GNB3: variants seen among roughly 807,000 people sequenced by gnomAD.
The protein encoded by GNB3 is G protein subunit beta 3.
Under a neutral mutation model 41.2 loss-of-function variants are expected in GNB3, and 33 were observed. That is an observed-to-expected ratio of 0.80 (90% CI 0.61 to 1.07). GNB3 has a LOEUF of 1.07. GNB3 is among the 50% of genes least tolerant of loss of function. GNB3 has a pLI of 0.00. For synonymous variants in GNB3, 172 were observed against 173.4 expected, an observed-to-expected ratio of 0.99 and a Z score of 0.06; for missense variants, 409 against 455.3, an observed-to-expected ratio of 0.90 and a Z score of 0.92.
At chr12:6,846,310 G>T (rs1352995409) in intron 9 of GNB3, 2 of 168,358 alleles carry the variant, frequency 1.2e-5, no homozygotes, top group East Asian at 3.3e-4. Context: ...TAATTCTGTT[G>T]CTCACTTTCT....
chr12:6,845,668 T>G lies in GNB3; in HGVS notation c.782T>G (p.Leu261Arg), dbSNP rs1246191591. ...RLFDLRADQE[L>R]ICFSHESIIC... ...TTTGACCTGCGGGCAGACCAGGAGC[T>G]GATCTGCTTCTCCCACGAGAGCATC... Residue 261 changes from leucine to arginine, a missense_variant, in exon 9 of 10, where the codon CTG becomes CGG. Transcript: ENST00000229264. 6.2e-7 allele frequency: 1 copy of G among 1,614,120 alleles called. No individual in the cohort carries two copies. Among genetic ancestry groups the G allele is most frequent in the Admixed American group, 1.7e-5 (1 of 60,032 alleles).
chr12:6,845,400 T>C, intron 8 of GNB3, 186 bp from the exon 9 acceptor site: 1 of 601,410 alleles, frequency 1.7e-6, no homozygotes, highest in Non-Finnish European at 3.0e-6. Context: ...GCGAGGGGCA[T>C]AGGGAAGTCA....
At chr12:6,841,654 G>T (rs1555123415) in intron 3 of GNB3, 30 bp downstream of exon 3, 1 of 1,583,440 alleles carries the variant, frequency 6.3e-7, no homozygotes, top group Admixed American at 1.7e-5. Flanking sequence ...GGAAGGCAGG[G>T]CATGGGGGGA....
chr12:6,842,158 T>C (rs1555123542), intron 3 of GNB3, among the ~76,000 whole-genome samples: 1 of 152,208 alleles, frequency 6.6e-6, no homozygotes, highest in Non-Finnish European at 1.5e-5. Context: ...CCTGATTTCA[T>C]TGAATTTTCA....
intron 3 of GNB3, 183 bp downstream of exon 3, chr12:6,841,807 G>A: frequency 1.4e-6 from 1 of 704,862 alleles, no homozygotes; most frequent in South Asian, 1.5e-5. Flanking sequence ...CATATTGGAT[G>A]CGAAAGATGC....
Position 6,843,438 on chromosome 12 carries a change from G to A in GNB3, c.343G>A (p.Gly115Arg), listed in dbSNP as rs201963490. 4.0e-5 allele frequency: 64 copies of A among 1,613,838 alleles called. No homozygotes were observed. Among genetic ancestry groups the A allele is most frequent in the African/African-American group, 1.3e-5 (1 of 74,924 alleles). The change falls in exon 6 of 10, where the codon GGG becomes AGG. Residue 115 changes from glycine to arginine, a missense_variant. By Grantham distance (125) the Gly-to-Arg change is moderately radical. Coordinates refer to ENST00000229264, the MANE Select transcript of GNB3 (RefSeq NM_002075.4). The surrounding 1 kb of genome is among the most constrained non-coding windows in gnomAD (Gnocchi z 5.9). ...CCCATCAGGGAACTTTGTGGCATGT[G>A]GGGGGCTGGACAACATGTGTTCCAT... ...YAPSGNFVAC[G>R]GLDNMCSIYN...
In GNB3 at chr12:6,843,132, G is replaced by A. The variant is rs782385347; in HGVS notation, c.204-42G>A. ...GGGTGAGAGCGGGAGTGAGGAAGGC[G>A]GGAAGGGGAGGCTTGCATGATATGG... On this transcript the variant is annotated intron_variant, in intron 4 of 9. Transcript: ENST00000229264. The surrounding 1 kb of genome is among the most constrained non-coding windows in gnomAD (Gnocchi z 5.9). 12 of 1,606,798 alleles carry A rather than the reference G, an allele frequency of 7.5e-6. No homozygotes were observed. In the East Asian group the frequency reaches 8.9e-5, roughly 12 times the overall value.
In GNB3 at chr12:6,845,764, A is replaced by G; in HGVS notation, c.878A>G (p.Asn293Ser). 3 of 1,614,108 alleles carry G rather than the reference A, an allele frequency of 1.9e-6. No individual in the cohort carries two copies. The highest frequency in any genetic ancestry group is 2.5e-6 in the Non-Finnish European group (3 of 1,179,960). Residue 293 changes from asparagine (N) to serine (S), a missense_variant, in exon 9 of 10, where the codon AAC becomes AGC. Physicochemically the swap from Asn to Ser is conservative, Grantham distance 46 (BLOSUM62 1). Coordinates refer to ENST00000229264, the MANE Select transcript of GNB3 (RefSeq NM_002075.4). ...RLLFAGYDDF[N>S]CNVWDSMKSE... The stretch of plus-strand genomic sequence containing the variant: ...CTATTCGCTGGCTACGACGACTTCA[A>G]CTGCAATGTCTGGGACTCCATGAAG...
chr12:6,842,094 T>A (rs973403696), intron 3 of GNB3, among the ~76,000 whole-genome samples: 1 of 152,242 alleles, frequency 6.6e-6, no homozygotes, highest in Admixed American at 6.5e-5. Context: ...GGATTAAATA[T>A]GTTAATAGTG....
Position 6,843,010 on chromosome 12 carries a change from G to A in GNB3, c.137G>A (p.Arg46Gln), listed in dbSNP as rs782398283. Residue 46 changes from arginine to glutamine, a missense_variant, in exon 4 of 10, where the codon CGG (arginine) becomes CAG (glutamine). Physicochemically the swap from Arg to Gln is conservative, Grantham distance 43 (BLOSUM62 1). Coordinates refer to ENST00000229264, the MANE Select transcript of GNB3 (RefSeq NM_002075.4). This position sits in a 1 kb window ranked among gnomAD's most constrained non-coding sequence, Gnocchi z 5.9. ...GLEVVGRVQM[R>Q]TRRTLRGHLA... ...GAGGTGGTGGGACGAGTCCAGATGC[G>A]GACGCGGCGGACGTTAAGGGGACAC... 47 of 1,562,772 alleles carry A rather than the reference G, an allele frequency of 3.0e-5. No individual in the cohort carries two copies. Among genetic ancestry groups the A allele is most frequent in the Middle Eastern group, 3.4e-4 (2 of 5,844 alleles).
chr12:6,841,627 A>G lies in GNB3; in HGVS notation c.96+3A>G. 1 of 1,611,630 alleles carries G rather than the reference A, an allele frequency of 6.2e-7. No homozygotes were observed. Among genetic ancestry groups the G allele is most frequent in the Non-Finnish European group, 8.5e-7 (1 of 1,178,182 alleles). ...GTGCTGACGTTACTCTGGCAGAGGT[A>G]AGACCCCCTGTCCCCCGGAAGGCAG... is the stretch of plus-strand genomic sequence containing the variant. On this transcript the variant is annotated splice_donor_region_variant and intron_variant, in intron 3 of 9. Coordinates refer to ENST00000229264, the MANE Select transcript of GNB3 (RefSeq NM_002075.4).
chr12:6,843,423 A>T lies in GNB3; in HGVS notation c.328A>T (p.Asn110Tyr). 6.2e-7 allele frequency: 1 copy of T among 1,614,000 alleles called. No homozygotes were observed. Among genetic ancestry groups the T allele is most frequent in the Non-Finnish European group, 8.5e-7 (1 of 1,179,918 alleles). ...VMTCAYAPSG[N>Y]FVACGGLDNM... is the part of the protein sequence containing the mutation. The stretch of plus-strand genomic sequence containing the variant: ...GACCTGTGCCTATGCCCCATCAGGG[A>T]ACTTTGTGGCATGTGGGGGGCTGGA... The change falls in exon 6 of 10, where the codon AAC (asparagine) becomes TAC (tyrosine). Residue 110 changes from asparagine to tyrosine, a missense_variant. Transcript: ENST00000229264. The surrounding 1 kb of genome is among the most constrained non-coding windows in gnomAD (Gnocchi z 5.9).
chr12:6,844,617 C>A (rs1943646315), intron 8 of GNB3, among the ~76,000 whole-genome samples: 1 of 152,166 alleles, frequency 6.6e-6, no homozygotes. Flanking sequence ...GATGGGTTCC[C>A]ACTATGTTGC....
rs34871066 is a variant in GNB3, at chr12:6,844,093, ATTTTTTTTTTTTT to A, written c.699+129_699+141del. ...AGCTTCCCTAGCCCTTTCTTACTGT[ATTTTTTTTTTTTT>A]TTTTTTTTTTTTTGAGACAGAGTCT... On this transcript the variant is annotated intron_variant, in intron 8 of 9. Coordinates refer to ENST00000229264, the MANE Select transcript of GNB3 (RefSeq NM_002075.4). 2.7e-4 allele frequency: 69 copies of A among 258,152 alleles called. No individual in the cohort carries two copies. Among genetic ancestry groups the A allele is most frequent in the Non-Finnish European group, 4.2e-4 (63 of 150,034 alleles). The allele number at this position is 258,152 out of a possible 1,614,324, so 16.0% of individuals were successfully genotyped here.
At position 6,843,687 on chromosome 12, in the gene GNB3, G is replaced by C; in HGVS notation, c.486G>C (p.Gly162=). 1 of 1,614,176 alleles carries C rather than the reference G, an allele frequency of 6.2e-7. No homozygotes were observed. The highest frequency in any genetic ancestry group is 8.5e-7 in the Non-Finnish European group (1 of 1,179,986). ...LDDNNIVTSS[G]DTTCALWDIE... is the part of the protein sequence containing the mutation. ...ACAACAATATTGTGACCAGCTCGGG[G>C]GACACCACGTGGTGAGGCTGAACAT... is the stretch of plus-strand genomic sequence containing the variant. Residue 162 remains glycine (G), a synonymous_variant, in exon 7 of 10, where the codon GGG becomes GGC. Transcript: ENST00000229264. This position sits in a 1 kb window ranked among gnomAD's most constrained non-coding sequence, Gnocchi z 5.9.
rs1555124894 is a variant in GNB3 at position 6,846,944 on chromosome 12, G to A, written c.*46G>A. 9.5e-7 allele frequency: 1 copy of A among 1,057,504 alleles called. No homozygotes were observed. Among genetic ancestry groups the A allele is most frequent in the Admixed American group, 2.0e-5 (1 of 50,302 alleles). The allele number at this position is 1,057,504 out of a possible 1,614,324, so 65.5% of individuals were successfully genotyped here. On this transcript the variant is annotated 3_prime_UTR_variant, in exon 10 of 10. Transcript: ENST00000229264. ...TGGAAGGCAGTGAACACACTCAGCA[G>A]CCCCCTGCCCGACCCCATCTCATTC...
Position 6,845,460 on chromosome 12 carries a change from G to T in GNB3, c.700-126G>T, listed in dbSNP as rs2301339. ...GGCTGCTTCTCACCCCAAACCAAGG[G>T]AGGGACAGGCAGGGAGGCTGAGAGC... is the stretch of plus-strand genomic sequence containing the variant. On this transcript the variant is annotated intron_variant, in intron 8 of 9. Transcript: ENST00000229264. The T allele has an allele frequency of 2.0e-4, 133 of 657,052 alleles. No individual in the cohort carries two copies. In the African/African-American group the frequency reaches 2.1e-3, roughly 11 times the overall value. 40.7% of individuals were successfully genotyped at this position (657,052 alleles called of 1,614,324 possible).
rs782154852 is a variant in GNB3, at chr12:6,842,998, G to C, written c.125G>C (p.Arg42Pro). The change falls in exon 4 of 10, where the codon CGA becomes CCA. Residue 42 changes from arginine to proline, a missense_variant. By Grantham distance (103) the Arg-to-Pro change is moderately radical (BLOSUM62 -2). Transcript: ENST00000229264. ...GTGTCTGGCCTAGAGGTGGTGGGAC[G>C]AGTCCAGATGCGGACGCGGCGGACG... ...ELVSGLEVVGRVQMRTRRTLR... is the reference protein window; with the variant it reads ...ELVSGLEVVGPVQMRTRRTLR... 6.4e-7 allele frequency: 1 copy of C among 1,553,218 alleles called. No individual in the cohort carries two copies. The highest frequency in any genetic ancestry group is 2.3e-5 in the East Asian group (1 of 44,188).
rs1340923314 is a variant in GNB3, at chr12:6,843,615, C to G, written c.431-17C>G. On this transcript the variant is annotated splice_polypyrimidine_tract_variant and intron_variant, in intron 6 of 9. Transcript: ENST00000229264. The surrounding 1 kb of genome is among the most constrained non-coding windows in gnomAD (Gnocchi z 5.9). ...GTGGCTCTGCAGCCAGGGCACTGTC[C>G]TTCTAACCGCCTCCAGGTTATCTCT... 2.5e-6 allele frequency: 4 copies of G among 1,613,898 alleles called. No individual in the cohort carries two copies. The East Asian group carries it at 6.7e-5, about 27-fold the overall frequency.
Sources: gnomAD v4.1 joint callset for allele counts (sites outside exome capture counted in the v4.1 genomes callset) on GRCh38, gnomAD v4.1.1 for gene constraint, Gnocchi (gnomAD v3.1) non-coding constraint, MANE v1.5 for transcripts, NCBI Gene and HGNC (gene_info 2026-07-23, HGNC 2026-07-21) for gene names.